The following DZANK1 variants were observed in gnomAD, a reference collection of about 807,000 sequenced individuals.
DZANK1 encodes the protein double zinc ribbon and ankyrin repeat-containing protein 1.
In DZANK1, 91 loss-of-function variants were observed where a neutral mutation model predicts 94.5. The ratio of observed to expected loss-of-function variants is 0.96; its 90% confidence interval spans 0.81 to 1.15. The LOEUF (loss-of-function observed/expected upper bound fraction) is 1.15. Among genes scored for constraint, DZANK1 ranks in the 50% most tolerant of loss-of-function variants. The pLI, the probability that DZANK1 is intolerant of heterozygous loss-of-function variation, is 0.00. For missense variants in DZANK1, 903 were observed against 916.4 expected (o/e 0.99, Z 0.19); for synonymous variants, 312 against 325.3 (o/e 0.96, Z 0.44).
chr20:18,402,601 C>A (rs1418537791), intron 13 of DZANK1, among the ~76,000 whole-genome samples: 1 of 152,036 alleles, frequency 6.6e-6, no homozygotes, highest in Non-Finnish European at 1.5e-5. Flanking sequence ...AATGTATAAG[C>A]CCCACATTAA....
intron 17 of DZANK1, among the ~76,000 whole-genome samples, chr20:18,391,640 T>C (rs1056390085): frequency 3.9e-5 from 6 of 152,214 alleles, no homozygotes; most frequent in African/African-American, 1.4e-4. Flanking sequence ...CAAGAGACAT[T>C]GCTTTTAGTA....
chr20:18,430,150 TA>T (rs2058224648), intron 9 of DZANK1, among the ~76,000 whole-genome samples: 1 of 152,094 alleles, frequency 6.6e-6, no homozygotes. Context: ...GTGACACAAT[TA>T]AAAAGGAAGA....
At chr20:18,413,779 C>CA (rs59625250) in intron 12 of DZANK1, among the ~76,000 whole-genome samples, 112 of 143,690 alleles carry the variant, frequency 7.8e-4, no homozygotes, top group African/African-American at 2.3e-3. Context: ...GACTCTGTCT[C>CA]AAAAAAAAAA....
At chr20:18,388,659 G>A (rs2048661035) in intron 19 of DZANK1, among the ~76,000 whole-genome samples, 1 of 152,142 alleles carries the variant, frequency 6.6e-6, no homozygotes, top group African/African-American at 2.4e-5. Flanking sequence ...AGTTGACACA[G>A]TAAACTCTAA....
chr20:18,413,008 T>C, intron 12 of DZANK1, 155 bp from the exon 13 acceptor site: 1 of 707,218 alleles, frequency 1.4e-6, no homozygotes, highest in Non-Finnish European at 2.3e-6. Context: ...CTCATCTTCC[T>C]TGCTCCTGTC....
exon 14 of DZANK1, chr20:18,398,544 A>G (rs2056487871): frequency 6.2e-7 from 1 of 1,613,882 alleles, no homozygotes. Context: ...TGGGTTCTGC[A>G]ATCAAGGCCC....
intron 12 of DZANK1, 133 bp downstream of exon 12, chr20:18,414,215 C>T: frequency 9.9e-7 from 1 of 1,012,500 alleles, no homozygotes; most frequent in South Asian, 1.9e-5. Flanking sequence ...ATTTACACAC[C>T]TAGTTGAAAT....
chr20:18,423,556 C>T (rs892405159), intron 10 of DZANK1, among the ~76,000 whole-genome samples: 1 of 152,122 alleles, frequency 6.6e-6, no homozygotes, highest in Non-Finnish European at 1.5e-5. Flanking sequence ...GATATGTTTT[C>T]CAAGTTAGAT....
At chr20:18,424,789 C>T (rs1216542759) in intron 10 of DZANK1, among the ~76,000 whole-genome samples, 1 of 152,070 alleles carries the variant, frequency 6.6e-6, no homozygotes, top group African/African-American at 2.4e-5. Flanking sequence ...AGTGTGCCGG[C>T]ACTGGAAACA....
chr20:18,437,227 T>C (rs1368102658), intron 8 of DZANK1, among the ~76,000 whole-genome samples: 1 of 152,194 alleles, frequency 6.6e-6, no homozygotes, highest in African/African-American at 2.4e-5. Context: ...AAGCAATATT[T>C]ATGGTTATTA....
At chr20:18,443,191 C>G (rs1280898585) in intron 8 of DZANK1, among the ~76,000 whole-genome samples, 156 bp downstream of exon 8, 1 of 152,170 alleles carries the variant, frequency 6.6e-6, no homozygotes, top group East Asian at 1.9e-4. Flanking sequence ...GTAAGTTTTT[C>G]CATGCTTAAG....
At chr20:18,439,589 C>G (rs2058655362) in intron 8 of DZANK1, among the ~76,000 whole-genome samples, 1 of 152,150 alleles carries the variant, frequency 6.6e-6, no homozygotes, top group Non-Finnish European at 1.5e-5. Context: ...ACTTCTGCTA[C>G]TCTGGGATCT....
At chr20:18,430,205 AACTG>A (rs1177551043) in intron 9 of DZANK1, among the ~76,000 whole-genome samples, 6 of 152,174 alleles carry the variant, frequency 3.9e-5, no homozygotes, top group Non-Finnish European at 8.8e-5. Context: ...TTAATCTCAA[AACTG>A]ACTAAGATAA....
chr20:18,448,908 C>T lies in DZANK1; in HGVS notation c.629+76G>A, dbSNP rs1226291065. On this transcript the variant is annotated intron_variant, in intron 7 of 20. Transcript: ENST00000262547. The stretch of plus-strand genomic sequence containing the variant: ...AAAAGTTGGAGGTGGGCAAAAATGT[C>T]GTATCTTTAAATTCTCTTTGACCAT... 6.9e-6 allele frequency: 8 copies of T among 1,156,188 alleles called. 1 individual carries two copies. The highest frequency in any genetic ancestry group is 5.5e-5 in the South Asian group (4 of 72,824). 71.6% of individuals were successfully genotyped at this position (1,156,188 alleles called of 1,614,324 possible). A position where few individuals can be genotyped will look rare whatever the true frequency, so the allele number is the denominator to read the frequency against.
At chr20:18,452,881 G>C (rs2059153718) in intron 5 of DZANK1, 142 bp from the exon 6 acceptor site, 2 of 832,980 alleles carry the variant, frequency 2.4e-6, no homozygotes, top group Admixed American at 6.6e-5. Flanking sequence ...TATATAAAGA[G>C]CTCCCGCCAC....
intron 10 of DZANK1, among the ~76,000 whole-genome samples, chr20:18,422,083 T>C (rs2057806718): frequency 1.3e-5 from 2 of 152,206 alleles, no homozygotes; most frequent in African/African-American, 2.4e-5. Context: ...TGTTTGTCTA[T>C]TTTTTGCTTT....
rs75116433 is a variant in DZANK1 at position 18,412,143 on chromosome 20, T to A, written c.1432+503A>T. On this transcript the variant is annotated intron_variant, in intron 13 of 20. Coordinates refer to ENST00000262547, the Ensembl canonical transcript of DZANK1. ...CATGCACCACCACAAATGACTGCTT[T>A]AAAAAAAAAATTGTAGAGACAGGGT... Among the ~76,000 whole-genome samples, 34 of 150,288 alleles carry A rather than the reference T, an allele frequency of 2.3e-4. 1 individual carries two copies. Among genetic ancestry groups the A allele is most frequent in the African/African-American group, 8.0e-4 (33 of 41,038 alleles).
intron 10 of DZANK1, among the ~76,000 whole-genome samples, chr20:18,419,764 C>T (rs2057685149): frequency 2.0e-5 from 3 of 151,888 alleles, no homozygotes; most frequent in Admixed American, 2.0e-4. Flanking sequence ...GCCAGCAGAC[C>T]TGCACTCTAA....
chr20:18,396,367 G>A, intron 15 of DZANK1, 105 bp downstream of exon 15: 12 of 949,020 alleles, frequency 1.3e-5, no homozygotes, highest in Non-Finnish European at 1.9e-5. Context: ...TTCATAATGT[G>A]TGAAACTTTT....
Sources: allele counts gnomAD v4.1 joint callset (sites outside exome capture counted in the v4.1 genomes callset), GRCh38; gene constraint gnomAD v4.1.1; transcripts MANE v1.5; gene names NCBI Gene and HGNC (gene_info 2026-07-23, HGNC 2026-07-21).